The following CACNA1D variants were observed in gnomAD, a reference collection of about 807,000 sequenced individuals.
The protein encoded by CACNA1D is calcium voltage-gated channel subunit alpha1 D.
A neutral mutation model predicts 257.1 loss-of-function variants in CACNA1D; 55 were observed. That is an observed-to-expected ratio of 0.21 (90% CI 0.17 to 0.27). The LOEUF (loss-of-function observed/expected upper bound fraction) is 0.27, where lower values mean the gene tolerates loss of function less well. Ranked by LOEUF, CACNA1D falls within the 10% of genes least tolerant of loss-of-function variation. The probability of loss-of-function intolerance (pLI) is 1.00; values close to 1 mark genes in which losing one functional copy is unlikely to be tolerated. For missense variants in CACNA1D, 1,876 were observed against 2,784.0 expected (o/e 0.67, Z 7.34); for synonymous variants, 980 against 1,014.9 (o/e 0.97, Z 0.65).
chr3:53,716,295 G>C (rs1396163481), intron 9 of CACNA1D, among the ~76,000 whole-genome samples: 1 of 152,242 alleles, frequency 6.6e-6, no homozygotes, highest in African/African-American at 2.4e-5. Flanking sequence ...CAGGCCTGTG[G>C]GTTCCCCACA....
intron 20 of CACNA1D, among the ~76,000 whole-genome samples, chr3:53,739,703 T>C (rs2095096094): frequency 6.6e-6 from 1 of 152,156 alleles, no homozygotes; most frequent in South Asian, 2.1e-4. Flanking sequence ...TGCAGGAGTC[T>C]GTAAAACCAT....
chr3:53,673,826 C>T lies in CACNA1D; in HGVS notation c.1220+700C>T, dbSNP rs117630105. 6,110 of 1,571,500 alleles carry T rather than the reference C, an allele frequency of 3.9e-3. 176 individuals are homozygous for T. In the East Asian group the frequency reaches 0.077, roughly 20 times the overall value. The stretch of plus-strand genomic sequence containing the variant: ...TTGGTGTCCTTAGTGGGTAAGCAGT[C>T]GGATCCGTGTTGCACCTTCTCCTGC... On this transcript the variant is annotated intron_variant, in intron 8 of 47. Transcript: ENST00000350061. The surrounding 1 kb of genome is among the most constrained non-coding windows in gnomAD (Gnocchi z 4.1).
intron 4 of CACNA1D, among the ~76,000 whole-genome samples, chr3:53,652,419 A>G (rs887555770): frequency 2.6e-5 from 4 of 152,140 alleles, no homozygotes; most frequent in African/African-American, 9.7e-5. Flanking sequence ...CTATTTAGAG[A>G]AAGAGCTTCA....
At chr3:53,690,413 TG>T (rs2094508428) in intron 8 of CACNA1D, among the ~76,000 whole-genome samples, 2 of 152,274 alleles carry the variant, frequency 1.3e-5, no homozygotes, top group Non-Finnish European at 2.9e-5. Flanking sequence ...AATCTGCTTT[TG>T]GACAAGTCTC....
At position 53,497,213 on chromosome 3, in the gene CACNA1D, G is replaced by A. The variant is rs746863213; in HGVS notation, c.129G>A (p.Pro43=). 5.0e-6 allele frequency: 8 copies of A among 1,613,946 alleles called. No homozygotes were observed. The highest frequency in any genetic ancestry group is 2.2e-5 in the South Asian group (2 of 91,062). The change falls in exon 2 of 48, where the codon CCG becomes CCA. Residue 43 remains proline (P), a synonymous_variant. Coordinates refer to ENST00000350061, the MANE Select transcript of CACNA1D (RefSeq NM_001128840.3). ...PLSGEGPTSQ[P]NSSKQTVLSW... is the part of the protein sequence containing the mutation. ...CTGGTGAAGGACCAACTTCTCAGCC[G>A]AATAGCTCCAAGCAAACTGTCCTGT...
At chr3:53,695,173 C>T (rs1402623094) in intron 8 of CACNA1D, among the ~76,000 whole-genome samples, 5 of 152,102 alleles carry the variant, frequency 3.3e-5, no homozygotes, top group African/African-American at 1.2e-4. Flanking sequence ...AGTCAGGTCC[C>T]CGTGGAGGAG....
At chr3:53,762,128 G>C (rs772017142) in intron 30 of CACNA1D, 47 bp downstream of exon 30, 2 of 1,157,934 alleles carry the variant, frequency 1.7e-6, no homozygotes, top group Non-Finnish European at 2.6e-6. Context: ...TCTCTCCTCT[G>C]TCTGTGCATA....
At chr3:53,637,357 G>T (rs1388763520) in intron 3 of CACNA1D, among the ~76,000 whole-genome samples, 1 of 152,142 alleles carries the variant, frequency 6.6e-6, no homozygotes, top group Non-Finnish European at 1.5e-5. Context: ...GCCCTCACAT[G>T]TGGATCTGCC....
At chr3:53,631,525 C>A (rs896007858) in intron 3 of CACNA1D, among the ~76,000 whole-genome samples, 2 of 152,170 alleles carry the variant, frequency 1.3e-5, no homozygotes, top group Non-Finnish European at 2.9e-5. Flanking sequence ...GGGTTGGAAT[C>A]AACTTCTTCC....
intron 3 of CACNA1D, among the ~76,000 whole-genome samples, chr3:53,520,415 T>G (rs747785794): frequency 6.6e-6 from 1 of 152,268 alleles, no homozygotes; most frequent in Non-Finnish European, 1.5e-5. Context: ...TCTTTTCATG[T>G]GCTTATTAGC....
At chr3:53,638,046 A>T (rs2093906305) in intron 3 of CACNA1D, among the ~76,000 whole-genome samples, 1 of 152,228 alleles carries the variant, frequency 6.6e-6, no homozygotes, top group South Asian at 2.1e-4. Flanking sequence ...CGGCACACTC[A>T]GTGGGAAAAT....
rs551568983 is a variant in CACNA1D, at chr3:53,745,406, A to G, written c.3007-218A>G. 3.9e-5 allele frequency among the ~76,000 whole-genome samples: 6 copies of G among 152,114 alleles called. No individual in the cohort carries two copies. In the East Asian group the frequency reaches 1.2e-3, roughly 29 times the overall value. Reference sequence around the variant, plus strand: ...CAGGTGCACACCACCACGCCCAGCTAATTTTTGTATTTTTAGTACAGATGG... The same window carrying G: ...CAGGTGCACACCACCACGCCCAGCTGATTTTTGTATTTTTAGTACAGATGG... On this transcript the variant is annotated intron_variant, in intron 23 of 47. Transcript: ENST00000350061.
intron 3 of CACNA1D, among the ~76,000 whole-genome samples, chr3:53,634,734 C>T (rs2093861812): frequency 6.6e-6 from 1 of 152,228 alleles, no homozygotes; most frequent in South Asian, 2.1e-4. Flanking sequence ...AGGCATTTCC[C>T]ACCATCAGTA....
In CACNA1D at chr3:53,770,503, G is replaced by C; in HGVS notation, c.3995G>C (p.Arg1332Thr). The change falls in exon 32 of 48, where the codon AGG (arginine) becomes ACG (threonine). Residue 1332 changes from arginine to threonine, a missense_variant. Coordinates refer to ENST00000350061, the MANE Select transcript of CACNA1D (RefSeq NM_001128840.3). ...RVMRLVKLLS[R>T]GEGIRTLLWT... ...ATGCGATTGGTGAAGCTTCTCAGCA[G>C]GGGGGAAGGCATCCGGACATTGCTG... is the stretch of plus-strand genomic sequence containing the variant. The C allele has an allele frequency of 6.2e-7, 1 of 1,612,980 alleles. No individual in the cohort carries two copies. The highest frequency in any genetic ancestry group is 8.5e-7 in the Non-Finnish European group (1 of 1,178,966).
chr3:53,586,098 C>T (rs2093211045), intron 3 of CACNA1D, among the ~76,000 whole-genome samples: 2 of 152,180 alleles, frequency 1.3e-5, no homozygotes, highest in Non-Finnish European at 2.9e-5. Context: ...AGAAAGCTCA[C>T]TCCTCTGGAA....
At chr3:53,731,626 G>A (rs992404742) in intron 17 of CACNA1D, among the ~76,000 whole-genome samples, 1 of 152,180 alleles carries the variant, frequency 6.6e-6, no homozygotes, top group African/African-American at 2.4e-5. Flanking sequence ...TTACTGAGTG[G>A]CTATCATGTA....
intron 3 of CACNA1D, among the ~76,000 whole-genome samples, chr3:53,574,793 G>C (rs17053199): frequency 0.014 from 2,080 of 152,208 alleles, 48 homozygotes; most frequent in African/African-American, 0.047. Context: ...GTTTGCTTTT[G>C]ACACGCCAGG....
intron 9 of CACNA1D, among the ~76,000 whole-genome samples, chr3:53,707,512 A>G (rs1559547364): frequency 2.0e-5 from 3 of 152,172 alleles, no homozygotes. Flanking sequence ...TTAAAATGTC[A>G]ATTTCATAAA....
chr3:53,770,577 CTCTT>C, intron 32 of CACNA1D, 25 bp downstream of exon 32: 8 of 1,611,762 alleles, frequency 5.0e-6, no homozygotes, highest in Non-Finnish European at 6.8e-6. Flanking sequence ...AAGGACTTCT[CTCTT>C]TGTCTTTGAA....
Sources: allele counts gnomAD v4.1 joint callset (sites outside exome capture counted in the v4.1 genomes callset), GRCh38; gene constraint gnomAD v4.1.1; non-coding constraint Gnocchi (gnomAD v3.1); transcripts MANE v1.5; gene names NCBI Gene and HGNC (gene_info 2026-07-23, HGNC 2026-07-21).